The following PDE1A variants were observed in gnomAD, a reference collection of about 807,000 sequenced individuals.
PDE1A encodes phosphodiesterase 1A.
A neutral mutation model predicts 61.7 loss-of-function variants in PDE1A; 35 were observed. The ratio of observed to expected loss-of-function variants is 0.57; its 90% CI spans 0.43 to 0.75. The LOEUF (loss-of-function observed/expected upper bound fraction) is 0.75, where lower values mean the gene tolerates loss of function less well. PDE1A is among the 30% of genes least tolerant of loss of function. The probability of loss-of-function intolerance (pLI) is 0.00; values close to 1 mark genes in which losing one functional copy is unlikely to be tolerated. For synonymous variants in PDE1A, 232 were observed against 213.2 expected (o/e 1.09, Z -0.77); for missense variants, 597 against 630.6 (o/e 0.95, Z 0.57).
intron 10 of PDE1A, among the ~76,000 whole-genome samples, chr2:182,199,450 T>C (rs762691612): frequency 6.6e-6 from 1 of 152,174 alleles, no homozygotes; most frequent in African/African-American, 2.4e-5. Context: ...TGTGAAGCTA[T>C]AAAATTTCCC....
chr2:182,426,549 A>T, intron 1 of PDE1A, 29 bp downstream of exon 1: 1 of 1,474,448 alleles, frequency 6.8e-7, no homozygotes, highest in Non-Finnish European at 9.5e-7. Context: ...TGACAGCCCT[A>T]GAGCCACCTG....
chr2:182,658,068 A>C, the PDE1A span, among the ~76,000 whole-genome samples: 4 of 109,782 alleles, frequency 3.6e-5, no homozygotes, highest in Admixed American at 8.7e-5. Context: ...AAAAAAAAAA[A>C]AAAACAAAAA....
At chr2:182,203,197 G>A (rs1197130509) in intron 8 of PDE1A, among the ~76,000 whole-genome samples, 2 of 152,042 alleles carry the variant, frequency 1.3e-5, no homozygotes, top group Admixed American at 1.3e-4. Context: ...GCGGGCACCT[G>A]TAGTCCCAGC....
chr2:182,471,271 T>C (rs1162752808), intron 2 of PDE1A, among the ~76,000 whole-genome samples: 1 of 151,818 alleles, frequency 6.6e-6, no homozygotes, highest in African/African-American at 2.4e-5. Context: ...AGGTATTATA[T>C]GTCAGGCAGA....
the PDE1A span, among the ~76,000 whole-genome samples, chr2:182,692,689 A>AAT: frequency 5.4e-5 from 8 of 148,118 alleles, no homozygotes; most frequent in African/African-American, 1.7e-4. Flanking sequence ...ATATATATAA[A>AAT]ATATATATAT....
intron 7 of PDE1A, among the ~76,000 whole-genome samples, chr2:182,217,334 T>A (rs1688278014): frequency 1.4e-5 from 1 of 70,856 alleles, no homozygotes; most frequent in African/African-American, 5.4e-5. Context: ...AACCTAGGCA[T>A]TACCATTCAG....
chr2:182,572,229 G>A, the PDE1A span, among the ~76,000 whole-genome samples: 1 of 152,116 alleles, frequency 6.6e-6, no homozygotes. Context: ...TGCATGAACT[G>A]GTGAGGTAGA....
chr2:182,417,601 T>C (rs1364503496), intron 1 of PDE1A, among the ~76,000 whole-genome samples: 3 of 152,204 alleles, frequency 2.0e-5, no homozygotes, highest in Non-Finnish European at 4.4e-5. Context: ...AGAAGTCCAC[T>C]GTACCCAACA....
the PDE1A span, among the ~76,000 whole-genome samples, chr2:182,610,747 A>C: frequency 6.6e-6 from 1 of 152,178 alleles, no homozygotes; most frequent in Admixed American, 6.5e-5. Context: ...AAATTATAAC[A>C]AATTTATAAA....
chr2:182,672,531 GAA>G, the PDE1A span, among the ~76,000 whole-genome samples: 1 of 152,184 alleles, frequency 6.6e-6, no homozygotes, highest in Non-Finnish European at 1.5e-5. Context: ...ATTTATAAAA[GAA>G]AGAGACAGGG....
chr2:182,383,964 T>C (rs1164057821), intron 1 of PDE1A, among the ~76,000 whole-genome samples: 1 of 152,172 alleles, frequency 6.6e-6, no homozygotes, highest in Non-Finnish European at 1.5e-5. Flanking sequence ...GATGGTACTT[T>C]TGGACTGAGC....
At chr2:182,627,233 T>TATATATAAATA in the PDE1A span, among the ~76,000 whole-genome samples, 47 of 25,836 alleles carry the variant, frequency 1.8e-3, 2 homozygotes, top group African/African-American at 5.0e-3. Context: ...ATATATTATT[T>TATATATAAATA]ATATATAAAA....
At chr2:182,390,049 C>T (rs1179156843) in intron 1 of PDE1A, among the ~76,000 whole-genome samples, 1 of 152,118 alleles carries the variant, frequency 6.6e-6, no homozygotes, top group African/African-American at 2.4e-5. Context: ...GGCTTTCTTG[C>T]TCCTGAGCTT....
At chr2:182,191,362 G>A (rs1430998802) in intron 10 of PDE1A, among the ~76,000 whole-genome samples, 1 of 151,972 alleles carries the variant, frequency 6.6e-6, no homozygotes, top group Non-Finnish European at 1.5e-5. Flanking sequence ...TAAGGTGCAA[G>A]AATAATGTCA....
At chr2:182,366,611 T>C (rs1699851323) in intron 1 of PDE1A, among the ~76,000 whole-genome samples, 1 of 133,670 alleles carries the variant, frequency 7.5e-6, no homozygotes, top group African/African-American at 2.8e-5. Flanking sequence ...ATGGACAATA[T>C]GAAATTGAAA....
At chr2:182,660,553 C>G in the PDE1A span, among the ~76,000 whole-genome samples, 1 of 152,148 alleles carries the variant, frequency 6.6e-6, no homozygotes, top group South Asian at 2.1e-4. Context: ...AGGTAGGTTA[C>G]CTTAGTTGTT....
At chr2:182,537,618 G>T in the PDE1A span, among the ~76,000 whole-genome samples, 1 of 152,070 alleles carries the variant, frequency 6.6e-6, no homozygotes, top group Non-Finnish European at 1.5e-5. Context: ...TGCACGTTAT[G>T]CACGTGTATT....
intron 1 of PDE1A, among the ~76,000 whole-genome samples, chr2:182,383,610 G>A (rs1232348086): frequency 1.3e-5 from 2 of 152,126 alleles, no homozygotes; most frequent in African/African-American, 2.4e-5. Context: ...GAGCAAGATG[G>A]CAGAGTATGG....
the PDE1A span, among the ~76,000 whole-genome samples, chr2:182,665,658 C>A: frequency 1.3e-5 from 2 of 152,140 alleles, no homozygotes; most frequent in Non-Finnish European, 2.9e-5. Context: ...GACAGCGTGA[C>A]GATTCCTCAA....
Sources: gnomAD v4.1 joint callset for allele counts (sites outside exome capture counted in the v4.1 genomes callset) on GRCh38, gnomAD v4.1.1 for gene constraint, MANE v1.5 for transcripts, NCBI Gene and HGNC (gene_info 2026-07-23, HGNC 2026-07-21) for gene names.